USH2A: variants seen among roughly 807,000 people sequenced by gnomAD.
The protein encoded by USH2A is usherin.
A neutral mutation model predicts 538.9 loss-of-function variants in USH2A; 443 were observed. The ratio of observed to expected loss-of-function variants is 0.82; its 90% confidence interval spans 0.76 to 0.89. The LOEUF is 0.89. USH2A is among the 40% of genes least tolerant of loss of function. USH2A has a pLI of 0.00. For missense variants in USH2A, 6,633 were observed against 6,324.8 expected (o/e 1.05, Z -1.65); for synonymous variants, 2,413 against 2,273.5 (o/e 1.06, Z -1.75).
At chr1:215,804,713 G>C (rs1415196889) in intron 49 of USH2A, among the ~76,000 whole-genome samples, 1 of 151,998 alleles carries the variant, frequency 6.6e-6, no homozygotes, top group East Asian at 1.9e-4. Flanking sequence ...AACCATTGTG[G>C]AAGTCAGTGT....
At chr1:216,252,235 T>C (rs2036176795) in intron 11 of USH2A, among the ~76,000 whole-genome samples, 1 of 152,206 alleles carries the variant, frequency 6.6e-6, no homozygotes, top group African/African-American at 2.4e-5. Flanking sequence ...GTATATAAAA[T>C]GTCAAATAAA....
intron 58 of USH2A, 36 bp from the exon 59 acceptor site, chr1:215,743,371 C>A: frequency 7.4e-6 from 3 of 403,912 alleles, no homozygotes; most frequent in East Asian, 6.7e-5. Context: ...ACATTAAAAA[C>A]ATATATATAT....
intron 3 of USH2A, among the ~76,000 whole-genome samples, chr1:216,384,339 G>T (rs193146374): frequency 1.3e-5 from 2 of 152,022 alleles, no homozygotes; most frequent in African/African-American, 2.4e-5. Context: ...ACATGTGGCT[G>T]GCTAATAAGC....
intron 21 of USH2A, among the ~76,000 whole-genome samples, chr1:216,152,198 A>C (rs2033851146): frequency 6.6e-6 from 1 of 152,170 alleles, no homozygotes; most frequent in Non-Finnish European, 1.5e-5. Context: ...CTTATTAAGA[A>C]GGCAGGAATG....
At chr1:216,008,869 T>A (rs910770170) in intron 32 of USH2A, among the ~76,000 whole-genome samples, 1 of 152,110 alleles carries the variant, frequency 6.6e-6, no homozygotes, top group Non-Finnish European at 1.5e-5. Context: ...CTGGCGCCAG[T>A]CACGGACTGG....
intron 21 of USH2A, among the ~76,000 whole-genome samples, chr1:216,112,379 A>G (rs563386915): frequency 6.6e-6 from 1 of 152,306 alleles, no homozygotes; most frequent in South Asian, 2.1e-4. Flanking sequence ...GAGGAAAAAA[A>G]CAAGAATAAT....
intron 15 of USH2A, among the ~76,000 whole-genome samples, chr1:216,211,745 T>C (rs1314084268): frequency 6.6e-6 from 1 of 152,200 alleles, no homozygotes; most frequent in East Asian, 1.9e-4. Flanking sequence ...AGAAAAGAAT[T>C]ATTTCCGAAT....
At chr1:216,249,416 A>G (rs563360228) in intron 12 of USH2A, among the ~76,000 whole-genome samples, 58 of 152,262 alleles carry the variant, frequency 3.8e-4, no homozygotes, top group Non-Finnish European at 6.5e-4. Flanking sequence ...TAATTATTTC[A>G]CTGTCTTTAA....
At chr1:215,808,853 C>T (rs560882789) in intron 49 of USH2A, among the ~76,000 whole-genome samples, 1 of 152,176 alleles carries the variant, frequency 6.6e-6, no homozygotes, top group Admixed American at 6.6e-5. Flanking sequence ...ATTACAGCTG[C>T]TGTAAACCCT....
At chr1:216,024,749 G>A (rs1378739336) in intron 32 of USH2A, among the ~76,000 whole-genome samples, 3 of 151,898 alleles carry the variant, frequency 2.0e-5, no homozygotes, top group African/African-American at 4.8e-5. Context: ...AGCAGATAGC[G>A]AGATGTGTAC....
chr1:216,041,814 G>T (rs2102520828), intron 32 of USH2A, among the ~76,000 whole-genome samples: 1 of 151,852 alleles, frequency 6.6e-6, no homozygotes, highest in African/African-American at 2.4e-5. Context: ...ACTATAACTA[G>T]TACTTTAAAA....
intron 67 of USH2A, among the ~76,000 whole-genome samples, chr1:215,644,611 A>G (rs964695148): frequency 1.3e-5 from 2 of 152,212 alleles, no homozygotes; most frequent in Non-Finnish European, 2.9e-5. Context: ...AGGGTAAACC[A>G]CTTTTTAAAA....
At chr1:215,908,833 G>A (rs1213546009) in intron 38 of USH2A, among the ~76,000 whole-genome samples, 2 of 151,698 alleles carry the variant, frequency 1.3e-5, no homozygotes, top group Non-Finnish European at 1.5e-5. Context: ...TCGGGTAAAC[G>A]TTGATGAATG....
chr1:215,718,479 T>C (rs2102704564), intron 61 of USH2A, among the ~76,000 whole-genome samples: 1 of 152,344 alleles, frequency 6.6e-6, no homozygotes, highest in Non-Finnish European at 1.5e-5. Flanking sequence ...ATAATTACTC[T>C]ATCAATGTTA....
intron 3 of USH2A, among the ~76,000 whole-genome samples, chr1:216,398,988 A>AG (rs1477557568): frequency 6.6e-6 from 1 of 152,184 alleles, no homozygotes; most frequent in Non-Finnish European, 1.5e-5. Flanking sequence ...CCTGTCTGAA[A>AG]GGAGTCAGCC....
chr1:216,070,147 G>A lies in USH2A; in HGVS notation c.6003C>T (p.Arg2001=). Residue 2001 remains arginine (R), a synonymous_variant, in exon 30 of 72, where the codon CGC becomes CGT. Transcript: ENST00000307340. The part of the protein sequence containing the change: ...AYSEDSTRPP[R]MPSASAEFVN... ...CAAATTCAGCACTGGCAGAGGGCAT[G>A]CGGGGTGGACGGGTGCTGTCCTCAC... 6.2e-7 allele frequency: 1 copy of A among 1,614,026 alleles called. No individual in the cohort carries two copies. Among genetic ancestry groups the A allele is most frequent in the Middle Eastern group, 1.6e-4 (1 of 6,062 alleles).
intron 15 of USH2A, among the ~76,000 whole-genome samples, chr1:216,207,881 T>A (rs561769474): frequency 6.6e-6 from 1 of 152,200 alleles, no homozygotes; most frequent in South Asian, 2.1e-4. Flanking sequence ...ATGCTTTATC[T>A]TGCTTCAGAG....
chr1:215,718,973 C>A (rs975676106), intron 61 of USH2A, among the ~76,000 whole-genome samples: 5 of 152,172 alleles, frequency 3.3e-5, no homozygotes, highest in African/African-American at 1.2e-4. Flanking sequence ...AGAGGGTTTC[C>A]TTGTAAGTTG....
chr1:216,360,058 C>G (rs1205041453), intron 4 of USH2A, among the ~76,000 whole-genome samples: 1 of 152,068 alleles, frequency 6.6e-6, no homozygotes, highest in East Asian at 1.9e-4. Context: ...TAATTGCGCT[C>G]TTTGGTATTT....
Sources: allele counts gnomAD v4.1 joint callset (sites outside exome capture counted in the v4.1 genomes callset), GRCh38; gene constraint gnomAD v4.1.1; transcripts MANE v1.5; gene names NCBI Gene and HGNC (gene_info 2026-07-23, HGNC 2026-07-21).